Variants in ANKRD44 observed in about 807,000 individuals in gnomAD.
The protein encoded by ANKRD44 is ankyrin repeat domain 44.
ANKRD44 carries 35 observed loss-of-function variants against 116.0 expected under a neutral mutation model. The observed-to-expected ratio is 0.30, with a 90% CI of 0.23 to 0.40. The LOEUF (loss-of-function observed/expected upper bound fraction) is 0.40. Among genes scored for constraint, ANKRD44 ranks in the 10% least tolerant of loss-of-function variants. ANKRD44 has a pLI of 1.00. For missense variants in ANKRD44, 1,014 were observed against 1,242.6 expected, an observed-to-expected ratio of 0.82 and a Z score of 2.77; for synonymous variants, 435 against 461.8, an observed-to-expected ratio of 0.94 and a Z score of 0.74.
chr2:196,995,284 C>A, intron 26 of ANKRD44, 95 bp downstream of exon 26: 1 of 827,974 alleles, frequency 1.2e-6, no homozygotes, highest in Non-Finnish European at 1.9e-6. Flanking sequence ...CACTGTGCTC[C>A]CCAGAGCTAG....
intron 2 of ANKRD44, among the ~76,000 whole-genome samples, chr2:197,159,350 AG>A (rs542298031): frequency 2.6e-5 from 4 of 152,252 alleles, no homozygotes; most frequent in African/African-American, 4.8e-5. Flanking sequence ...CAAGACACTA[AG>A]ATGTTAACAC....
chr2:197,173,798 C>T (rs1342319728), intron 2 of ANKRD44, among the ~76,000 whole-genome samples: 1 of 152,082 alleles, frequency 6.6e-6, no homozygotes, highest in East Asian at 1.9e-4. Flanking sequence ...TTTGGGAAGC[C>T]GAGGTGGGTG....
chr2:197,172,350 G>A (rs892911692), intron 2 of ANKRD44, among the ~76,000 whole-genome samples: 2 of 152,046 alleles, frequency 1.3e-5, no homozygotes, highest in African/African-American at 4.8e-5. Flanking sequence ...AAAGGTGGTA[G>A]GTAAGCTGAA....
At chr2:197,121,686 T>G (rs1434471919) in intron 7 of ANKRD44, 142 bp from the exon 8 acceptor site, 1 of 751,550 alleles carries the variant, frequency 1.3e-6, no homozygotes, top group East Asian at 2.7e-5. Flanking sequence ...CTTGCCCCAG[T>G]GTGGTCATCT....
intron 3 of ANKRD44, among the ~76,000 whole-genome samples, chr2:197,138,878 A>G (rs917240664): frequency 2.6e-5 from 4 of 152,222 alleles, no homozygotes; most frequent in Admixed American, 6.5e-5. Context: ...TTTTTTGTAA[A>G]TTCAAAAAAT....
chr2:197,142,286 G>A (rs117118166), intron 3 of ANKRD44, among the ~76,000 whole-genome samples: 1 of 152,338 alleles, frequency 6.6e-6, no homozygotes, highest in East Asian at 1.9e-4. Context: ...CGGAAGTGGT[G>A]TGATAAGGGT....
At chr2:197,114,053 T>C (rs1178471637) in intron 8 of ANKRD44, among the ~76,000 whole-genome samples, 2 of 152,178 alleles carry the variant, frequency 1.3e-5, no homozygotes, top group African/African-American at 4.8e-5. Context: ...ATAATACTTT[T>C]TATATAATTC....
chr2:196,976,559 T>C (rs2075761813), intron 21 of ANKRD44, among the ~76,000 whole-genome samples: 1 of 152,108 alleles, frequency 6.6e-6, no homozygotes, highest in Non-Finnish European at 1.5e-5. Context: ...AAATTTTTCT[T>C]ACATGTAGAA....
chr2:197,231,964 G>A (rs1487269648), intron 1 of ANKRD44, among the ~76,000 whole-genome samples: 6 of 152,140 alleles, frequency 3.9e-5, no homozygotes, highest in South Asian at 2.1e-4. Context: ...AATACATGTC[G>A]AATAAGTGGA....
In ANKRD44 at chr2:197,264,888, A is replaced by G. The variant is rs935076408; in HGVS notation, c.27+45690T>C. ...GGTCAAAGTTACCAGGTCAGCTTTTATAGGCTCCTTAAAAATTATATGGTT... is the reference window on the plus strand; with the variant it reads ...GGTCAAAGTTACCAGGTCAGCTTTTGTAGGCTCCTTAAAAATTATATGGTT... On this transcript the variant is annotated intron_variant, in intron 1 of 27. Coordinates refer to ENST00000282272, the MANE Select transcript of ANKRD44 (RefSeq NM_001195144.2). 1.1e-4 allele frequency among the ~76,000 whole-genome samples: 16 copies of G among 152,344 alleles called. No homozygotes were observed. The Middle Eastern group carries it at 0.01, about 97-fold the overall frequency.
chr2:196,967,977 C>G (rs2075686938), intron 21 of ANKRD44, among the ~76,000 whole-genome samples: 1 of 151,562 alleles, frequency 6.6e-6, no homozygotes. Flanking sequence ...CATGCCTGCT[C>G]TCCTTTTGCC....
intron 21 of ANKRD44, among the ~76,000 whole-genome samples, chr2:196,975,836 A>AGAAG (rs1189690145): frequency 1.7e-4 from 23 of 132,860 alleles, no homozygotes; most frequent in Non-Finnish European, 3.0e-4. Context: ...AAAGAAAGAA[A>AGAAG]GAAAGAAGGA....
intron 1 of ANKRD44, among the ~76,000 whole-genome samples, chr2:197,274,529 C>T (rs1314852906): frequency 2.6e-5 from 4 of 152,162 alleles, no homozygotes; most frequent in Non-Finnish European, 2.9e-5. Flanking sequence ...TAAAGGCCCA[C>T]GATGGCCCAA....
rs1427798878 is a variant in ANKRD44, at chr2:197,089,970, C to T, written c.1163G>A (p.Cys388Tyr). The change falls in exon 11 of 28, where the codon TGC becomes TAC. Residue 388 changes from cysteine to tyrosine, a missense_variant. By Grantham distance (194) the Cys-to-Tyr change is radical (BLOSUM62 -2). Coordinates refer to ENST00000282272, the MANE Select transcript of ANKRD44 (RefSeq NM_001195144.2). ...CTTACCCGATGATAACAACTTTCTG[C>T]AGCAGTCAGAGTGAGCATTTAGGGC... ...LAALNAHSDC[C>Y]RKLLSSGFEI... 2.5e-6 allele frequency: 4 copies of T among 1,614,020 alleles called. No individual in the cohort carries two copies. The highest frequency in any genetic ancestry group is 3.4e-6 in the Non-Finnish European group (4 of 1,179,908).
chr2:196,995,720 T>C (rs1052542245), intron 25 of ANKRD44, among the ~76,000 whole-genome samples: 4 of 152,140 alleles, frequency 2.6e-5, no homozygotes, highest in Non-Finnish European at 5.9e-5. Flanking sequence ...AATTTTAAAA[T>C]TAATCCCCAG....
At chr2:197,053,164 C>G (rs1353679082) in intron 16 of ANKRD44, among the ~76,000 whole-genome samples, 2 of 152,058 alleles carry the variant, frequency 1.3e-5, no homozygotes, top group East Asian at 1.9e-4. Context: ...GAGCGAGATT[C>G]TGTCTCAAAA....
intron 1 of ANKRD44, among the ~76,000 whole-genome samples, chr2:197,247,594 C>T (rs1330899162): frequency 6.6e-6 from 1 of 152,142 alleles, no homozygotes; most frequent in Non-Finnish European, 1.5e-5. Context: ...GGACACAAAC[C>T]ATTTACACAA....
intron 1 of ANKRD44, 118 bp downstream of exon 1, chr2:197,310,460 C>T (rs1455980444): frequency 1.7e-5 from 12 of 692,822 alleles, no homozygotes; most frequent in Non-Finnish European, 1.9e-5. Flanking sequence ...ACACAGTCCT[C>T]CCCTTCGCCG....
intron 1 of ANKRD44, among the ~76,000 whole-genome samples, chr2:197,239,682 G>A (rs948248698): frequency 1.3e-5 from 2 of 152,186 alleles, no homozygotes; most frequent in Non-Finnish European, 1.5e-5. Context: ...TTTTACTTTT[G>A]TTTTCTATCT....
Sources: allele counts gnomAD v4.1 joint callset (sites outside exome capture counted in the v4.1 genomes callset), GRCh38; gene constraint gnomAD v4.1.1; transcripts MANE v1.5; gene names NCBI Gene and HGNC (gene_info 2026-07-23, HGNC 2026-07-21).